The following MSN variants were observed in gnomAD, a reference collection of about 807,000 sequenced individuals.
MSN encodes the protein epididymis luminal protein 70.
MSN carries 2 observed loss-of-function variants against 48.0 expected under a neutral mutation model. That is an observed-to-expected ratio of 0.04 (90% confidence interval 0.02 to 0.13). The LOEUF (loss-of-function observed/expected upper bound fraction) is 0.13, where lower values mean the gene tolerates loss of function less well. Among genes scored for constraint, MSN ranks in the 10% least tolerant of loss-of-function variants. The probability of loss-of-function intolerance (pLI) is 1.00; values close to 1 mark genes in which losing one functional copy is unlikely to be tolerated. For missense variants in MSN, 267 were observed against 470.1 expected, an observed-to-expected ratio of 0.57 and a Z score of 3.99; for synonymous variants, 146 against 166.9, an observed-to-expected ratio of 0.87 and a Z score of 0.97.
chrX:65,724,298 C>T (rs1295225045), intron 2 of MSN, among the ~76,000 whole-genome samples: 1 of 111,180 alleles, frequency 9.0e-6, no homozygotes, highest in Non-Finnish European at 1.9e-5. Flanking sequence ...GCATGTGCCA[C>T]CACACCCAGC....
At chrX:65,718,832 A>AAAAGT (rs2147501838) in intron 2 of MSN, among the ~76,000 whole-genome samples, 1 of 108,881 alleles carries the variant, frequency 9.2e-6, no homozygotes, top group East Asian at 2.8e-4. Context: ...AAAAAAAAAA[A>AAAAGT]AAAGTAAAGA....
chrX:65,727,709 C>T lies in MSN; in HGVS notation c.97-105C>T, dbSNP rs113106787. On this transcript the variant is annotated intron_variant, in intron 2 of 12. Coordinates refer to ENST00000360270, the MANE Select transcript of MSN (RefSeq NM_002444.3). ...CTTGCCAGATGCTGAGCACCTTAAA[C>T]CCTTTAAGGGCAGATATAATATTGA... is the stretch of plus-strand genomic sequence containing the variant. The T allele has an allele frequency of 4.8e-6, 3 of 623,059 alleles. No homozygotes were observed. The East Asian group carries it at 1.0e-4, about 21-fold the overall frequency. The allele number at this position is 623,059 out of a possible 1,213,427, so 51.3% of individuals were successfully genotyped here.
intron 1 of MSN, among the ~76,000 whole-genome samples, chrX:65,626,176 G>A (rs952455488): frequency 8.1e-5 from 9 of 110,591 alleles, no homozygotes; most frequent in African/African-American, 2.3e-4. Flanking sequence ...GGATGGTCTC[G>A]ATCTCCTGAC....
intron 2 of MSN, among the ~76,000 whole-genome samples, chrX:65,725,920 T>C (rs948786445): frequency 7.1e-5 from 8 of 112,255 alleles, no homozygotes; most frequent in South Asian, 7.4e-4. Context: ...AAAGAGATCA[T>C]TGAAGCCATA....
At chrX:65,697,211 G>T (rs1438811439) in intron 1 of MSN, among the ~76,000 whole-genome samples, 1 of 108,116 alleles carries the variant, frequency 9.2e-6, no homozygotes, top group Non-Finnish European at 1.9e-5. Context: ...TGGGTGGGGG[G>T]TTGGGGACAT....
At chrX:65,729,934 C>T (rs1034606426) in intron 4 of MSN, among the ~76,000 whole-genome samples, 1 of 112,434 alleles carries the variant, frequency 8.9e-6, no homozygotes, top group African/African-American at 3.2e-5. Context: ...CTCTGTCTAC[C>T]TGGTTACAGA....
At chrX:65,637,039 G>A (rs777255648) in intron 1 of MSN, among the ~76,000 whole-genome samples, 16 of 106,489 alleles carry the variant, frequency 1.5e-4, no homozygotes, top group African/African-American at 2.4e-4. Context: ...GCAGTGAGCC[G>A]AGATCATGCC....
chrX:65,616,155 G>A (rs979965392), intron 1 of MSN, among the ~76,000 whole-genome samples: 34 of 111,624 alleles, frequency 3.0e-4, no homozygotes, highest in Non-Finnish European at 6.0e-4. Context: ...CTCTAGCTTT[G>A]TTCTTTTGGC....
intron 1 of MSN, among the ~76,000 whole-genome samples, chrX:65,620,394 G>A (rs1602725862): frequency 8.8e-6 from 1 of 113,913 alleles, no homozygotes; most frequent in African/African-American, 3.2e-5. Context: ...AGCCAGGTGC[G>A]GGATACAATC....
chrX:65,722,404 CGT>C (rs55900091), intron 2 of MSN, among the ~76,000 whole-genome samples: 8,733 of 94,165 alleles, frequency 0.093, 372 homozygotes, highest in Admixed American at 0.15. Flanking sequence ...CGTGCACGCT[CGT>C]GTGTGTGTGT....
intron 1 of MSN, among the ~76,000 whole-genome samples, chrX:65,652,258 AT>A (rs1426334102): frequency 9.0e-6 from 1 of 111,239 alleles, no homozygotes; most frequent in Non-Finnish European, 1.9e-5. Context: ...CTGAGGGTTA[AT>A]CAGGACAGAG....
chrX:65,676,406 C>CCA (rs1454635376), intron 1 of MSN, among the ~76,000 whole-genome samples: 1 of 111,785 alleles, frequency 8.9e-6, no homozygotes, highest in African/African-American at 3.3e-5. Context: ...AACTGTTTTG[C>CCA]CAGTTATCTT....
intron 1 of MSN, among the ~76,000 whole-genome samples, chrX:65,616,822 A>C (rs1390747106): frequency 2.7e-5 from 3 of 109,969 alleles, no homozygotes; most frequent in Non-Finnish European, 3.8e-5. Context: ...TTTCCCATTC[A>C]GTATGATATT....
intron 2 of MSN, among the ~76,000 whole-genome samples, chrX:65,722,404 CGTGTGTGTGTGTGT>C (rs55900091): frequency 3.2e-5 from 3 of 94,698 alleles, no homozygotes; most frequent in Admixed American, 1.1e-4. Flanking sequence ...CGTGCACGCT[CGTGTGTGTGTGTGT>C]GTGTGTGTGT....
At chrX:65,588,823 CCCTCTCTCTCTCTCTCT>C (rs983096831) in intron 1 of MSN, 2 of 145,082 alleles carry the variant, frequency 1.4e-5, no homozygotes, top group Non-Finnish European at 2.6e-5. Flanking sequence ...TGCCCTCTCT[CCCTCTCTCTCTCTCTCT>C]CCTCTCCCAA....
intron 1 of MSN, among the ~76,000 whole-genome samples, chrX:65,694,145 C>T (rs2071205501): frequency 9.1e-6 from 1 of 110,372 alleles, no homozygotes; most frequent in Non-Finnish European, 1.9e-5. Flanking sequence ...GTTAAAAGAG[C>T]TCAAGAGTAT....
At chrX:65,697,751 G>C (rs1403469885) in intron 1 of MSN, among the ~76,000 whole-genome samples, 1 of 112,300 alleles carries the variant, frequency 8.9e-6, no homozygotes, top group Non-Finnish European at 1.9e-5. Flanking sequence ...AAGAACATTG[G>C]CATGTCATCT....
At chrX:65,653,084 C>T (rs1296940899) in intron 1 of MSN, among the ~76,000 whole-genome samples, 1 of 111,704 alleles carries the variant, frequency 9.0e-6, no homozygotes, top group Admixed American at 9.6e-5. Flanking sequence ...AGAACCAGAC[C>T]TCTTGGCCCC....
At chrX:65,614,284 T>G (rs192972825) in intron 1 of MSN, among the ~76,000 whole-genome samples, 1 of 112,181 alleles carries the variant, frequency 8.9e-6, no homozygotes, top group African/African-American at 3.2e-5. Flanking sequence ...CCTGGTATTA[T>G]AGTTTGAAGT....
Sources: gnomAD v4.1 joint callset for allele counts (sites outside exome capture counted in the v4.1 genomes callset) on GRCh38, gnomAD v4.1.1 for gene constraint, MANE v1.5 for transcripts, NCBI Gene and HGNC (gene_info 2026-07-23, HGNC 2026-07-21) for gene names.